The following CTDSPL2 variants were observed in gnomAD, a reference collection of about 807,000 sequenced individuals.
The protein encoded by CTDSPL2 is CTD small phosphatase like 2.
A neutral mutation model predicts 60.0 loss-of-function variants in CTDSPL2; 5 were observed. That is an observed-to-expected ratio of 0.08 (90% CI 0.04 to 0.18). The LOEUF is 0.18. Ranked by LOEUF, CTDSPL2 falls within the 10% of genes least tolerant of loss-of-function variation. The pLI, the probability that CTDSPL2 is intolerant of heterozygous loss-of-function variation, is 1.00. For synonymous variants in CTDSPL2, 186 were observed against 189.3 expected (o/e 0.98, Z 0.14); for missense variants, 370 against 548.8 (o/e 0.67, Z 3.26).
At chr15:44,466,054 C>T (rs2080682042) in intron 2 of CTDSPL2, among the ~76,000 whole-genome samples, 1 of 152,038 alleles carries the variant, frequency 6.6e-6, no homozygotes, top group Non-Finnish European at 1.5e-5. Flanking sequence ...CCTGCCTCAG[C>T]TTCCTGAGTA....
At chr15:44,440,586 C>CT (rs2080065404) in intron 1 of CTDSPL2, among the ~76,000 whole-genome samples, 1 of 152,176 alleles carries the variant, frequency 6.6e-6, no homozygotes, top group South Asian at 2.1e-4. Flanking sequence ...TTATTTGCGT[C>CT]TTTTTTTCCT....
intron 2 of CTDSPL2, among the ~76,000 whole-genome samples, chr15:44,477,875 A>G (rs529443788): frequency 7.9e-5 from 12 of 152,150 alleles, no homozygotes; most frequent in Non-Finnish European, 1.3e-4. Context: ...GATATTTTAT[A>G]TGTATTCACA....
chr15:44,464,519 C>T (rs989579287), intron 2 of CTDSPL2, among the ~76,000 whole-genome samples: 5 of 152,136 alleles, frequency 3.3e-5, no homozygotes, highest in Admixed American at 2.6e-4. Flanking sequence ...AGTGGCTGGA[C>T]GCTGTCTAGA....
chr15:44,439,247 C>G lies in CTDSPL2; in HGVS notation c.-25+11475C>G, dbSNP rs184615409. Among the ~76,000 whole-genome samples, 349 of 152,052 alleles carry G rather than the reference C, an allele frequency of 2.3e-3. 2 individuals carry two copies. The highest frequency in any genetic ancestry group is 7.9e-3 in the African/African-American group (327 of 41,462). On this transcript the variant is annotated intron_variant, in intron 1 of 12. Coordinates refer to ENST00000260327, the MANE Select transcript of CTDSPL2 (RefSeq NM_016396.3). ...CACTACAACCTCTGCCTCCTGGGTT[C>G]ACACCATTCTCCTGCCTCAGACTCC...
intron 1 of CTDSPL2, among the ~76,000 whole-genome samples, chr15:44,432,094 A>G (rs1468947458): frequency 6.6e-6 from 1 of 152,000 alleles, no homozygotes; most frequent in African/African-American, 2.4e-5. Flanking sequence ...TGTCTCGGAA[A>G]GATGACAGGC....
intron 1 of CTDSPL2, among the ~76,000 whole-genome samples, chr15:44,457,360 A>G (rs1243316935): frequency 2.0e-5 from 3 of 152,126 alleles, no homozygotes; most frequent in African/African-American, 4.8e-5. Flanking sequence ...CTGCTGCTTC[A>G]CCTCACCTTG....
intron 1 of CTDSPL2, among the ~76,000 whole-genome samples, chr15:44,446,636 TCAAA>T (rs976483646): frequency 4.0e-5 from 5 of 125,712 alleles, no homozygotes; most frequent in East Asian, 2.3e-4. Context: ...TCTCAAACAA[TCAAA>T]CAAACAAACA....
intron 2 of CTDSPL2, among the ~76,000 whole-genome samples, chr15:44,464,188 T>G (rs187531720): frequency 9.2e-5 from 14 of 152,170 alleles, no homozygotes; most frequent in Non-Finnish European, 1.6e-4. Flanking sequence ...CTCTTACTTA[T>G]GGTTAGTAAG....
chr15:44,513,743 A>G (rs891387398), intron 8 of CTDSPL2, among the ~76,000 whole-genome samples: 1 of 152,222 alleles, frequency 6.6e-6, no homozygotes, highest in Non-Finnish European at 1.5e-5. Flanking sequence ...TGAATGAAGT[A>G]TAGTATTTTT....
At chr15:44,508,177 G>A (rs2081504288) in intron 8 of CTDSPL2, among the ~76,000 whole-genome samples, 2 of 151,938 alleles carry the variant, frequency 1.3e-5, no homozygotes, top group Admixed American at 1.3e-4. Context: ...CAACCTCCTG[G>A]GTTCAAGCAA....
At position 44,521,301 on chromosome 15, in the gene CTDSPL2, A is replaced by C. The variant is rs1354672041; in HGVS notation, c.1240-10A>C. On this transcript the variant is annotated splice_polypyrimidine_tract_variant and intron_variant, in intron 11 of 12. Coordinates refer to ENST00000260327, the MANE Select transcript of CTDSPL2 (RefSeq NM_016396.3). The stretch of plus-strand genomic sequence containing the variant: ...TAAAAGAGGATTTAATTACTTATTT[A>C]TTGTTTTAGCTTTCTAATGGAATCC... 7.8e-7 allele frequency: 1 copy of C among 1,287,814 alleles called. No individual in the cohort carries two copies. Among genetic ancestry groups the C allele is most frequent in the Admixed American group, 2.1e-5 (1 of 47,884 alleles). 79.8% of individuals were successfully genotyped at this position (1,287,814 alleles called of 1,614,324 possible). A position where few individuals can be genotyped will look rare whatever the true frequency, so the allele number is the denominator to read the frequency against.
chr15:44,430,383 C>T (rs1453434993), intron 1 of CTDSPL2, among the ~76,000 whole-genome samples: 2 of 152,000 alleles, frequency 1.3e-5, no homozygotes, highest in African/African-American at 4.8e-5. Context: ...GTAGCTGGGA[C>T]TGCAGGCACA....
chr15:44,489,354 A>G (rs1235104827), intron 4 of CTDSPL2, among the ~76,000 whole-genome samples: 3 of 152,164 alleles, frequency 2.0e-5, no homozygotes, highest in Non-Finnish European at 4.4e-5. Context: ...CCAGTTTGAC[A>G]GTGTATTTAA....
chr15:44,474,821 A>C (rs892931649), intron 2 of CTDSPL2, among the ~76,000 whole-genome samples: 1 of 151,992 alleles, frequency 6.6e-6, no homozygotes, highest in Non-Finnish European at 1.5e-5. Context: ...ACTCCATTGC[A>C]CTCTAGCCTG....
intron 4 of CTDSPL2, among the ~76,000 whole-genome samples, chr15:44,487,949 A>G (rs928371178): frequency 4.6e-5 from 7 of 151,986 alleles, no homozygotes; most frequent in Non-Finnish European, 1.0e-4. Flanking sequence ...CCATGTCTCT[A>G]CTAAAGAAAA....
chr15:44,519,338 C>A (rs1417724202), intron 11 of CTDSPL2, 43 bp downstream of exon 11: 3 of 1,478,320 alleles, frequency 2.0e-6, no homozygotes, highest in Non-Finnish European at 2.7e-6. Context: ...GGAAAAAATA[C>A]AATGAAGACA....
intron 1 of CTDSPL2, among the ~76,000 whole-genome samples, chr15:44,446,754 CTTTT>C (rs71111859): frequency 2.7e-5 from 2 of 73,602 alleles, no homozygotes; most frequent in Non-Finnish European, 5.3e-5. Context: ...TCTTGGGGAA[CTTTT>C]TTTTTTTTTT....
chr15:44,484,982 A>G (rs1188683654), intron 3 of CTDSPL2, among the ~76,000 whole-genome samples: 1 of 152,216 alleles, frequency 6.6e-6, no homozygotes, highest in African/African-American at 2.4e-5. Context: ...TAATTGAAAT[A>G]TATACCAAAT....
At chr15:44,439,627 C>A (rs1003447239) in intron 1 of CTDSPL2, among the ~76,000 whole-genome samples, 4 of 151,434 alleles carry the variant, frequency 2.6e-5, no homozygotes, top group Admixed American at 6.6e-5. Context: ...GATTATGGAG[C>A]ATTTCAGGTT....
Sources: gnomAD v4.1 joint callset for allele counts (sites outside exome capture counted in the v4.1 genomes callset) on GRCh38, gnomAD v4.1.1 for gene constraint, MANE v1.5 for transcripts, NCBI Gene and HGNC (gene_info 2026-07-23, HGNC 2026-07-21) for gene names.